KCNQ2: variants seen among roughly 807,000 people sequenced by gnomAD.
KCNQ2 encodes potassium voltage-gated channel subfamily Q member 2, also known as potassium voltage-gated channel subfamily KQT member 2.
Under a neutral mutation model 84.8 loss-of-function variants are expected in KCNQ2, and 14 were observed. The ratio of observed to expected loss-of-function variants is 0.17; its 90% confidence interval spans 0.11 to 0.26. KCNQ2 has a LOEUF of 0.26. Among genes scored for constraint, KCNQ2 ranks in the 10% least tolerant of loss-of-function variants. KCNQ2 has a pLI of 1.00. For missense variants in KCNQ2, 788 were observed against 1,254.0 expected (o/e 0.63, Z 5.61); for synonymous variants, 599 against 554.1 (o/e 1.08, Z -1.14).
intron 10 of KCNQ2, among the ~76,000 whole-genome samples, chr20:63,427,754 G>A (rs1376891336): frequency 2.0e-5 from 3 of 152,208 alleles, no homozygotes; most frequent in Non-Finnish European, 4.4e-5. Context: ...AGGATGATCT[G>A]AGATCGTCCT....
In KCNQ2 at chr20:63,472,652, G is replaced by A. The variant is rs1293983882; in HGVS notation, c.-189C>T. 1 of 212,656 alleles carries A rather than the reference G, an allele frequency of 4.7e-6. No individual in the cohort carries two copies. Among genetic ancestry groups the A allele is most frequent in the Non-Finnish European group, 7.7e-6 (1 of 130,190 alleles). The allele number at this position is 212,656 out of a possible 1,614,324, so 13.2% of individuals were successfully genotyped here. ...CACCTCGCTCCGCGCGCACCTCGGC[G>A]CCTGGCCCGCGGCCGCGCCGGCTCC... is the stretch of plus-strand genomic sequence containing the variant. On this transcript the variant is annotated 5_prime_UTR_variant, in exon 1 of 17. Coordinates refer to ENST00000359125, the MANE Select transcript of KCNQ2 (RefSeq NM_172107.4).
chr20:63,426,975 C>G (rs1276935637), intron 10 of KCNQ2, among the ~76,000 whole-genome samples: 1 of 152,254 alleles, frequency 6.6e-6, no homozygotes, highest in East Asian at 1.9e-4. Flanking sequence ...AATCCCAGCA[C>G]TTTGGGAGGC....
rs763503121 is a variant in KCNQ2 at position 63,414,199 on chromosome 20, G to T, written c.1526-6C>A. 2.0e-5 allele frequency: 33 copies of T among 1,609,840 alleles called. No homozygotes were observed. Among genetic ancestry groups the T allele is most frequent in the Non-Finnish European group, 2.7e-5 (32 of 1,176,834 alleles). On this transcript the variant is annotated splice_polypyrimidine_tract_variant and splice_region_variant and intron_variant, in intron 13 of 16. Transcript: ENST00000359125. The surrounding 1 kb of genome is among the most constrained non-coding windows in gnomAD (Gnocchi z 6.6). ...CTCTCCGGGGAGGCTTGCTTCTGGG[G>T]GGAAGGAGACAGGCCGTGAGGGGCC...
intron 4 of KCNQ2, among the ~76,000 whole-genome samples, chr20:63,443,319 CCACCACCATCACCAT>C (rs2081299109): frequency 4.4e-4 from 6 of 13,584 alleles, no homozygotes; most frequent in Admixed American, 2.4e-3. Context: ...ATCATCACCA[CCACCACCATCACCAT>C]CACCACCATC....
chr20:63,431,304 A>G (rs1600722371), intron 9 of KCNQ2, 36 bp downstream of exon 9: 2 of 1,611,484 alleles, frequency 1.2e-6, no homozygotes, highest in East Asian at 2.2e-5. Flanking sequence ...CTAGAACCAC[A>G]CACACACACA....
At chr20:63,467,715 A>C (rs1396172384) in intron 1 of KCNQ2, among the ~76,000 whole-genome samples, 1 of 152,174 alleles carries the variant, frequency 6.6e-6, no homozygotes, top group Non-Finnish European at 1.5e-5. Flanking sequence ...ACTCTCCACC[A>C]CTGGACTCAG....
At chr20:63,409,975 A>AG (rs1277359744) in intron 15 of KCNQ2, 1 of 253,606 alleles carries the variant, frequency 3.9e-6, no homozygotes, top group Non-Finnish European at 7.7e-6. Context: ...CTCTGATGGG[A>AG]GGGGGGAGGG....
intron 11 of KCNQ2, among the ~76,000 whole-genome samples, chr20:63,420,054 G>A (rs1002727694): frequency 2.0e-5 from 3 of 152,248 alleles, no homozygotes; most frequent in Admixed American, 2.0e-4. Context: ...GGGAAAGGGC[G>A]TGGGTGTGAA....
In KCNQ2 at chr20:63,401,084, A is replaced by G. The variant is rs575789390; in HGVS notation, c.*5560T>C. 7.7e-5 allele frequency: 30 copies of G among 390,536 alleles called. No individual in the cohort carries two copies. The highest frequency in any genetic ancestry group is 1.1e-4 in the Non-Finnish European group (25 of 221,438). The allele number at this position is 390,536 out of a possible 1,614,324, so 24.2% of individuals were successfully genotyped here. The stretch of plus-strand genomic sequence containing the variant: ...GAGAGTCAGACGCTGAGGACCTCTC[A>G]GGACGGGGCCCCTGGCCAGAGCCAG... On this transcript the variant is annotated 3_prime_UTR_variant, in exon 17 of 17. Transcript: ENST00000359125.
At chr20:63,436,549 G>C (rs778984037) in intron 7 of KCNQ2, among the ~76,000 whole-genome samples, 11 of 150,398 alleles carry the variant, frequency 7.3e-5, no homozygotes, top group African/African-American at 2.7e-4. Context: ...AAAAAAAATC[G>C]CCACAGCCCC....
intron 4 of KCNQ2, among the ~76,000 whole-genome samples, chr20:63,443,328 TCACCATCACCACCATCAC>T (rs1568937220): frequency 1.4e-4 from 1 of 7,312 alleles, no homozygotes; most frequent in Non-Finnish European, 3.1e-4. Flanking sequence ...ACCACCACCA[TCACCATCACCACCATCAC>T]CACCACCACC....
intron 7 of KCNQ2, 81 bp from the exon 8 acceptor site, chr20:63,433,984 G>T: frequency 8.1e-7 from 1 of 1,235,206 alleles, no homozygotes; most frequent in Non-Finnish European, 1.2e-6. Flanking sequence ...GGAGGGAACG[G>T]GGCAGAGGGG....
intron 15 of KCNQ2, among the ~76,000 whole-genome samples, chr20:63,410,392 GC>G (rs1022393493): frequency 6.6e-6 from 1 of 152,196 alleles, no homozygotes; most frequent in African/African-American, 2.4e-5. Context: ...AGTGCTCAGT[GC>G]CCCGTGAGGT....
At chr20:63,409,379 A>G (rs2080045036) in intron 15 of KCNQ2, among the ~76,000 whole-genome samples, 1 of 152,220 alleles carries the variant, frequency 6.6e-6, no homozygotes, top group African/African-American at 2.4e-5. Context: ...GCCACAGGTC[A>G]CTCATGACAA....
intron 4 of KCNQ2, among the ~76,000 whole-genome samples, chr20:63,442,845 T>TCACCACCACCAC (rs1555872502): frequency 3.9e-5 from 1 of 25,724 alleles, no homozygotes; most frequent in African/African-American, 1.9e-4. Flanking sequence ...ACCACCACCA[T>TCACCACCACCAC]CACCATCACC....
At chr20:63,430,895 T>C (rs2080768690) in intron 9 of KCNQ2, among the ~76,000 whole-genome samples, 1 of 152,116 alleles carries the variant, frequency 6.6e-6, no homozygotes, top group Admixed American at 6.5e-5. Context: ...GGGAGCACCC[T>C]TGGCCCCAGA....
intron 1 of KCNQ2, among the ~76,000 whole-genome samples, chr20:63,469,108 T>G (rs1600873920): frequency 6.6e-6 from 1 of 152,190 alleles, no homozygotes; most frequent in South Asian, 2.1e-4. Context: ...TCCAGTCCTA[T>G]GCGCAGATGG....
intron 7 of KCNQ2, among the ~76,000 whole-genome samples, chr20:63,437,809 A>G (rs548892620): frequency 7.2e-5 from 11 of 152,050 alleles, no homozygotes; most frequent in African/African-American, 2.7e-4. Flanking sequence ...CTGTCTGTCC[A>G]TATTTTCTCT....
intron 1 of KCNQ2, among the ~76,000 whole-genome samples, chr20:63,469,226 T>C (rs2082151305): frequency 6.6e-6 from 1 of 152,130 alleles, no homozygotes; most frequent in Non-Finnish European, 1.5e-5. Context: ...ATCTGCTAGT[T>C]CGGGCCATTT....
Sources: allele counts gnomAD v4.1 joint callset (sites outside exome capture counted in the v4.1 genomes callset), GRCh38; gene constraint gnomAD v4.1.1; non-coding constraint Gnocchi (gnomAD v3.1); transcripts MANE v1.5; gene names NCBI Gene and HGNC (gene_info 2026-07-23, HGNC 2026-07-21).